The following SGCG variants were observed in gnomAD, a reference collection of about 807,000 sequenced individuals.
SGCG encodes the protein gamma-sarcoglycan.
Under a neutral mutation model 29.3 loss-of-function variants are expected in SGCG, and 26 were observed. The observed-to-expected ratio is 0.89, with a 90% CI of 0.65 to 1.23. SGCG has a LOEUF of 1.23. Ranked by LOEUF, SGCG falls within the 50% of genes most tolerant of loss-of-function variation. SGCG has a pLI of 0.00. For missense variants in SGCG, 353 were observed against 356.0 expected (o/e 0.99, Z 0.07); for synonymous variants, 145 against 129.7 (o/e 1.12, Z -0.80).
chr13:23,171,729 C>T, the SGCG span, among the ~76,000 whole-genome samples: 2 of 152,214 alleles, frequency 1.3e-5, no homozygotes, highest in South Asian at 4.1e-4. Flanking sequence ...CTAGATCCCT[C>T]TCATGAGTAG....
At chr13:23,192,099 C>T (rs1200839659) in intron 1 of SGCG, among the ~76,000 whole-genome samples, 12 of 149,490 alleles carry the variant, frequency 8.0e-5, no homozygotes, top group African/African-American at 3.0e-4. Context: ...GACGTGAACC[C>T]GGGAAGCGGA....
chr13:23,249,397 G>A (rs1001280798), intron 3 of SGCG, among the ~76,000 whole-genome samples: 4 of 152,146 alleles, frequency 2.6e-5, no homozygotes, highest in Non-Finnish European at 4.4e-5. Flanking sequence ...TTAAATTTTA[G>A]AAAGGCAGCT....
At chr13:23,198,868 G>A (rs1439830383) in intron 1 of SGCG, among the ~76,000 whole-genome samples, 1 of 143,418 alleles carries the variant, frequency 7.0e-6, no homozygotes, top group South Asian at 2.3e-4. Flanking sequence ...AAAAAATTTG[G>A]GAGGCCGAGG....
rs139365459 is a variant in SGCG at position 23,251,866 on chromosome 13, A to G, written c.385+1149A>G. On this transcript the variant is annotated intron_variant, in intron 4 of 7. Transcript: ENST00000218867. ...AAAATAAATGAGAGGTGTACTGCCA[A>G]CACAAACTTCCAATGTCTCTCTTTT... Among the ~76,000 whole-genome samples the G allele has an allele frequency of 5.3e-4, 81 of 152,276 alleles. 3 individuals are homozygous for G. In the East Asian group the frequency reaches 0.015, roughly 28 times the overall value.
chr13:23,184,405 T>C (rs1451639284), intron 1 of SGCG, among the ~76,000 whole-genome samples: 1 of 152,038 alleles, frequency 6.6e-6, no homozygotes, highest in East Asian at 1.9e-4. Context: ...CAGTGATAGT[T>C]GATTTGCTTA....
intron 2 of SGCG, among the ~76,000 whole-genome samples, chr13:23,224,420 A>AT (rs765941527): frequency 3.3e-5 from 5 of 152,182 alleles, no homozygotes; most frequent in Non-Finnish European, 5.9e-5. Context: ...AGTCTAATAC[A>AT]GTAGAATTCA....
rs1185714763 is a variant in SGCG, at chr13:23,240,172, AC to A, written c.297+5461del. Among the ~76,000 whole-genome samples, 4 of 152,312 alleles carry A rather than the reference AC, an allele frequency of 2.6e-5. No individual in the cohort carries two copies. In the East Asian group the frequency reaches 7.7e-4, roughly 29 times the overall value. ...CACTAATTAAAAGAAAATTGGAGTG[AC>A]TATATTAAAACAGACAAAGTAGATT... On this transcript the variant is annotated intron_variant, in intron 3 of 7. Coordinates refer to ENST00000218867, the MANE Select transcript of SGCG (RefSeq NM_000231.3).
At chr13:23,230,556 A>G (rs1201334385) in intron 2 of SGCG, among the ~76,000 whole-genome samples, 1 of 152,158 alleles carries the variant, frequency 6.6e-6, no homozygotes, top group African/African-American at 2.4e-5. Flanking sequence ...TGTGAATGGC[A>G]CTGCACTTCT....
intron 1 of SGCG, among the ~76,000 whole-genome samples, chr13:23,192,678 G>A (rs1006532088): frequency 2.6e-5 from 4 of 152,222 alleles, no homozygotes; most frequent in African/African-American, 9.7e-5. Flanking sequence ...TTACAGGCGT[G>A]AGCCATGGCG....
At chr13:23,179,967 T>A (rs779493216), upstream of SGCG, among the ~76,000 whole-genome samples, 3 of 152,114 alleles carry the variant, frequency 2.0e-5, no homozygotes, top group Non-Finnish European at 4.4e-5. Flanking sequence ...TACAAATAAT[T>A]TCATCGCCCA....
At chr13:23,286,979 T>C (rs1322631420) in intron 5 of SGCG, among the ~76,000 whole-genome samples, 2 of 152,242 alleles carry the variant, frequency 1.3e-5, no homozygotes, top group African/African-American at 2.4e-5. Flanking sequence ...GGGGGGACTA[T>C]TGAATTATAG....
intron 2 of SGCG, among the ~76,000 whole-genome samples, chr13:23,223,276 C>CAAAAAAAAAAA (rs10569811): frequency 2.9e-5 from 3 of 103,828 alleles, no homozygotes; most frequent in Non-Finnish European, 3.8e-5. Flanking sequence ...GACTCTGTCA[C>CAAAAAAAAAAA]AAAAAAAAAA....
chr13:23,166,225 T>TTTTGTTTG, the SGCG span, among the ~76,000 whole-genome samples: 33 of 151,860 alleles, frequency 2.2e-4, no homozygotes, highest in African/African-American at 7.0e-4. Flanking sequence ...TTACCGAGAG[T>TTTTGTTTG]TTTGTTTGTT....
At chr13:23,286,130 C>G (rs906360315) in intron 5 of SGCG, among the ~76,000 whole-genome samples, 1 of 152,164 alleles carries the variant, frequency 6.6e-6, no homozygotes, top group African/African-American at 2.4e-5. Flanking sequence ...CCCAGCTGTT[C>G]CATTAAGTAA....
chr13:23,304,735 C>T (rs572622084), intron 6 of SGCG, among the ~76,000 whole-genome samples: 25 of 152,226 alleles, frequency 1.6e-4, no homozygotes, highest in African/African-American at 6.0e-4. Context: ...TCCTGAGTAG[C>T]TGGTATTACA....
the SGCG span, among the ~76,000 whole-genome samples, chr13:23,162,822 T>TC: frequency 2.0e-5 from 3 of 151,964 alleles, no homozygotes; most frequent in African/African-American, 7.3e-5. Context: ...AGAGTAAGAC[T>TC]CCGTCTCAAA....
intron 4 of SGCG, among the ~76,000 whole-genome samples, chr13:23,274,128 T>C (rs531162482): frequency 6.6e-6 from 1 of 152,336 alleles, no homozygotes; most frequent in East Asian, 1.9e-4. Flanking sequence ...TATTTAACGC[T>C]TTTGACTTGA....
At chr13:23,298,231 C>T (rs1881985828) in intron 6 of SGCG, among the ~76,000 whole-genome samples, 1 of 151,948 alleles carries the variant, frequency 6.6e-6, no homozygotes, top group East Asian at 2.0e-4. Context: ...TGGCACATGC[C>T]TGTAATCCCA....
At position 23,324,763 on chromosome 13, in the gene SGCG, C is replaced by A. The variant is rs531811585; in HGVS notation, c.*222C>A. On this transcript the variant is annotated 3_prime_UTR_variant, in exon 8 of 8. Transcript: ENST00000218867. Reference sequence around the variant, plus strand: ...CACAAAAGTTGACAAAATGGAAAAGCAATGTGTTTTTCCACTGGATTAATT... The same window carrying A: ...CACAAAAGTTGACAAAATGGAAAAGAAATGTGTTTTTCCACTGGATTAATT... 5.5e-5 allele frequency: 31 copies of A among 563,346 alleles called. No homozygotes were observed. The East Asian group carries it at 8.9e-4, about 16-fold the overall frequency. 34.9% of individuals were successfully genotyped at this position (563,346 alleles called of 1,614,324 possible). A position where few individuals can be genotyped will look rare whatever the true frequency, so the allele number is the denominator to read the frequency against.
Sources: gnomAD v4.1 joint callset for allele counts (sites outside exome capture counted in the v4.1 genomes callset) on GRCh38, gnomAD v4.1.1 for gene constraint, MANE v1.5 for transcripts, NCBI Gene and HGNC (gene_info 2026-07-23, HGNC 2026-07-21) for gene names.